Variants in AVEN observed in about 807,000 individuals in gnomAD.
AVEN encodes cell death regulator Aven.
Under a neutral mutation model 38.1 loss-of-function variants are expected in AVEN, and 41 were observed. That is an observed-to-expected ratio of 1.08 (90% CI 0.84 to 1.40). The LOEUF (loss-of-function observed/expected upper bound fraction) is 1.40, where lower values mean the gene tolerates loss of function less well. Ranked by LOEUF, AVEN falls within the 40% of genes most tolerant of loss-of-function variation. AVEN has a pLI of 0.00. For missense variants in AVEN, 605 were observed against 438.8 expected (o/e 1.38, Z -3.38); for synonymous variants, 206 against 171.8 (o/e 1.20, Z -1.56).
chr15:33,874,801 T>C (rs1049896448), intron 3 of AVEN, among the ~76,000 whole-genome samples: 10 of 152,196 alleles, frequency 6.6e-5, no homozygotes, highest in Admixed American at 1.3e-4. Flanking sequence ...TTAGAATTAT[T>C]TGAAACTCTG....
chr15:33,890,171 G>A (rs1167400136), intron 2 of AVEN, among the ~76,000 whole-genome samples: 1 of 152,148 alleles, frequency 6.6e-6, no homozygotes, highest in Admixed American at 6.5e-5. Context: ...CACATTATAT[G>A]TTCAGTAGTC....
In AVEN at chr15:34,038,669, C is replaced by T. The variant is rs1899285776; in HGVS notation, c.267+111G>A. 2 of 1,030,928 alleles carry T rather than the reference C, an allele frequency of 1.9e-6. 1 individual carries two copies. The highest frequency in any genetic ancestry group is 1.0e-4 in the Admixed American group (2 of 19,172). The allele number at this position is 1,030,928 out of a possible 1,614,324, so 63.9% of individuals were successfully genotyped here. ...CGTCCCGCGCAGGCGCCGGCGCCGC[C>T]GCCCGTCTGGCGCGCGCCTGGCACG... On this transcript the variant is annotated intron_variant, in intron 1 of 5. Coordinates refer to ENST00000306730, the MANE Select transcript of AVEN (RefSeq NM_020371.3).
intron 2 of AVEN, among the ~76,000 whole-genome samples, chr15:33,949,057 C>T (rs1481387045): frequency 6.6e-6 from 1 of 151,716 alleles, no homozygotes; most frequent in African/African-American, 2.4e-5. Context: ...GAGTTTTGCC[C>T]TTGTTGCCCA....
intron 2 of AVEN, among the ~76,000 whole-genome samples, chr15:33,911,838 C>T (rs1168305868): frequency 2.0e-5 from 3 of 152,116 alleles, no homozygotes; most frequent in East Asian, 3.9e-4. Context: ...TGACTTATAC[C>T]GTTCCTTTGC....
At chr15:33,996,698 T>C (rs565879550) in intron 2 of AVEN, among the ~76,000 whole-genome samples, 1 of 152,330 alleles carries the variant, frequency 6.6e-6, no homozygotes, top group Admixed American at 6.5e-5. Context: ...ACCCCATCTG[T>C]AGGTCACCAG....
intron 2 of AVEN, among the ~76,000 whole-genome samples, chr15:33,974,437 C>A (rs1434443716): frequency 6.6e-6 from 1 of 152,106 alleles, no homozygotes; most frequent in Admixed American, 6.6e-5. Context: ...ATACAATATA[C>A]CAACAATGGT....
chr15:33,895,596 A>C (rs1300177314), intron 2 of AVEN, among the ~76,000 whole-genome samples: 1 of 152,094 alleles, frequency 6.6e-6, no homozygotes, highest in Non-Finnish European at 1.5e-5. Flanking sequence ...AAGTGCTGGA[A>C]TTACAGGCAT....
intron 2 of AVEN, among the ~76,000 whole-genome samples, chr15:33,877,472 T>C (rs1297325123): frequency 6.6e-6 from 1 of 152,290 alleles, no homozygotes; most frequent in Non-Finnish European, 1.5e-5. Flanking sequence ...TTATAAAACT[T>C]ATCTTAAAAA....
chr15:33,976,924 G>A (rs753870101), intron 2 of AVEN, among the ~76,000 whole-genome samples: 7 of 152,118 alleles, frequency 4.6e-5, no homozygotes, highest in Non-Finnish European at 7.4e-5. Context: ...TGACATCCTG[G>A]ATGGAAGTAA....
chr15:34,025,795 A>T (rs777256040), intron 1 of AVEN, among the ~76,000 whole-genome samples: 4 of 138,594 alleles, frequency 2.9e-5, no homozygotes. Flanking sequence ...CGCATGTGTA[A>T]AGCGGAGGAA....
At chr15:33,879,306 A>G (rs1891382899) in intron 2 of AVEN, among the ~76,000 whole-genome samples, 1 of 150,776 alleles carries the variant, frequency 6.6e-6, no homozygotes, top group Non-Finnish European at 1.5e-5. Flanking sequence ...GCAAGGACAA[A>G]AAAACAAACA....
At chr15:33,921,819 T>A (rs1183645130) in intron 2 of AVEN, among the ~76,000 whole-genome samples, 1 of 152,224 alleles carries the variant, frequency 6.6e-6, no homozygotes, top group Admixed American at 6.5e-5. Context: ...GCACACATGC[T>A]AACTGACCTG....
At chr15:33,915,338 G>A (rs1482156220) in intron 2 of AVEN, among the ~76,000 whole-genome samples, 1 of 152,156 alleles carries the variant, frequency 6.6e-6, no homozygotes, top group Non-Finnish European at 1.5e-5. Context: ...CCAAAAAACT[G>A]TTGCGTGCCC....
At chr15:33,904,896 G>A (rs1199758933) in intron 2 of AVEN, among the ~76,000 whole-genome samples, 18 of 151,770 alleles carry the variant, frequency 1.2e-4, no homozygotes, top group African/African-American at 3.9e-4. Flanking sequence ...TTGGGAGGCC[G>A]AGGCGGGTGG....
chr15:33,861,750 T>C (rs547241612), downstream of AVEN, among the ~76,000 whole-genome samples: 50 of 152,190 alleles, frequency 3.3e-4, no homozygotes, highest in Non-Finnish European at 6.9e-4. Context: ...TGTCTGTCTT[T>C]TCTCATTAAT....
At chr15:34,053,516 A>C (rs528837832) in intron 5 of AVEN, among the ~76,000 whole-genome samples, 7 of 151,802 alleles carry the variant, frequency 4.6e-5, no homozygotes, top group Non-Finnish European at 8.8e-5. Context: ...GAATTCAGAA[A>C]TAAAACTACA....
chr15:34,058,961 A>G (rs1210755198), intron 5 of AVEN, among the ~76,000 whole-genome samples: 3 of 152,138 alleles, frequency 2.0e-5, no homozygotes, highest in African/African-American at 7.2e-5. Context: ...CAGTGGCAAG[A>G]TCTTGGCTCA....
chr15:33,876,092 T>A, intron 2 of AVEN, 97 bp from the exon 3 acceptor site: 2 of 1,116,644 alleles, frequency 1.8e-6, no homozygotes, highest in Non-Finnish European at 2.6e-6. Context: ...ATTTCTGAAG[T>A]GCTCAAACTC....
intron 11 of AVEN, chr15:33,860,534 A>C: frequency 1.0e-6 from 1 of 981,532 alleles, no homozygotes; most frequent in Admixed American, 3.0e-5. Context: ...TTCTTCCTTT[A>C]TCATTCCTCT....
Sources: allele counts gnomAD v4.1 joint callset (sites outside exome capture counted in the v4.1 genomes callset), GRCh38; gene constraint gnomAD v4.1.1; transcripts MANE v1.5; gene names NCBI Gene and HGNC (gene_info 2026-07-23, HGNC 2026-07-21).